ADRA1A: variants seen among roughly 807,000 people sequenced by gnomAD.
ADRA1A encodes adrenoceptor alpha 1A.
In ADRA1A, 31 loss-of-function variants were observed where a neutral mutation model predicts 29.6. The observed-to-expected ratio is 1.05, with a 90% CI of 0.79 to 1.41. ADRA1A has a LOEUF of 1.41. Among genes scored for constraint, ADRA1A ranks in the 40% most tolerant of loss-of-function variants. The pLI, the probability that ADRA1A is intolerant of heterozygous loss-of-function variation, is 0.00. For synonymous variants in ADRA1A, 311 were observed against 254.3 expected (o/e 1.22, Z -2.12); for missense variants, 619 against 601.1 (o/e 1.03, Z -0.31).
intron 2 of ADRA1A, among the ~76,000 whole-genome samples, chr8:26,824,286 T>C (rs1810387048): frequency 6.6e-6 from 1 of 151,548 alleles, no homozygotes; most frequent in African/African-American, 2.4e-5. Flanking sequence ...GTAACAGGGG[T>C]CTATCTAGTA....
chr8:26,748,507 G>C, exon 3 of ADRA1A: 1 of 279,712 alleles, frequency 3.6e-6, no homozygotes, highest in Non-Finnish European at 7.1e-6. Context: ...TTGGGAGGCT[G>C]AGGCAGGCAG....
intron 2 of ADRA1A, among the ~76,000 whole-genome samples, chr8:26,829,002 A>G (rs1810788068): frequency 6.6e-6 from 1 of 152,186 alleles, no homozygotes; most frequent in Admixed American, 6.5e-5. Context: ...TTTATGCATG[A>G]GATGGTGCCC....
Position 26,864,057 on chromosome 8 carries a change from A to T in ADRA1A, c.883+30T>A, listed in dbSNP as rs753914242. ...AGCCGAGGAGGGTGAAGACCCCCAGATGCTAAAGTGAGGGGTGTTCAAGAC... is the reference window on the plus strand; with the variant it reads ...AGCCGAGGAGGGTGAAGACCCCCAGTTGCTAAAGTGAGGGGTGTTCAAGAC... On this transcript the variant is annotated intron_variant, in intron 2 of 2. Coordinates refer to ENST00000380573, the MANE Select transcript of ADRA1A (RefSeq NM_000680.4). The surrounding 1 kb of genome is among the most constrained non-coding windows in gnomAD (Gnocchi z 8.1). The T allele has an allele frequency of 6.3e-7, 1 of 1,586,692 alleles. No individual in the cohort carries two copies.
chr8:26,759,382 TA>T (rs1280101493), intron 2 of ADRA1A, among the ~76,000 whole-genome samples: 1 of 152,234 alleles, frequency 6.6e-6, no homozygotes, highest in Admixed American at 6.5e-5. Flanking sequence ...TCTTTTTTTT[TA>T]AAGTATGTAG....
chr8:26,758,566 G>A (rs1290147979), intron 2 of ADRA1A, among the ~76,000 whole-genome samples: 1 of 152,172 alleles, frequency 6.6e-6, no homozygotes, highest in African/African-American at 2.4e-5. Flanking sequence ...TGAGGAAAAT[G>A]GCTCAAGAGA....
Position 26,865,786 on chromosome 8 carries a change from C to T in ADRA1A, c.-686-131G>A, listed in dbSNP as rs1585873157. 7.8e-6 allele frequency: 7 copies of T among 900,212 alleles called. No homozygotes were observed. Among genetic ancestry groups the T allele is most frequent in the African/African-American group, 7.2e-5 (4 of 55,560 alleles). The allele number at this position is 900,212 out of a possible 1,614,324, so 55.8% of individuals were successfully genotyped here. On this transcript the variant is annotated intron_variant, in intron 1 of 2. Transcript: ENST00000380573. The surrounding 1 kb of genome is among the most constrained non-coding windows in gnomAD (Gnocchi z 7.6). ...TCTGCGGTCCAGAAGCTGCTTCGCC[C>T]GGCAGCGGTGGAGGCGACTTCGGAG...
At chr8:26,780,258 GT>G (rs59418160) in intron 2 of ADRA1A, among the ~76,000 whole-genome samples, 14,764 of 152,102 alleles carry the variant, frequency 0.097, 701 homozygotes, top group Middle Eastern at 0.14. Flanking sequence ...ACATGCAAAG[GT>G]GTTTACCTTC....
chr8:26,753,815 G>A (rs1417723282), downstream of ADRA1A, among the ~76,000 whole-genome samples: 1 of 152,156 alleles, frequency 6.6e-6, no homozygotes, highest in Non-Finnish European at 1.5e-5. Flanking sequence ...AGGGTGTTAT[G>A]TGTTTAAAGA....
intron 2 of ADRA1A, among the ~76,000 whole-genome samples, chr8:26,858,114 T>A (rs1477576244): frequency 6.6e-6 from 1 of 152,234 alleles, no homozygotes; most frequent in Non-Finnish European, 1.5e-5. Context: ...GCTCTATCAA[T>A]GTGCTGCCTC....
At chr8:26,752,227 T>C (rs2130150557), downstream of ADRA1A, among the ~76,000 whole-genome samples, 1 of 152,350 alleles carries the variant, frequency 6.6e-6, no homozygotes, top group Non-Finnish European at 1.5e-5. Flanking sequence ...TCTTATTGTG[T>C]GAGCCACTTT....
chr8:26,849,890 A>G (rs1416294932), intron 2 of ADRA1A, among the ~76,000 whole-genome samples: 3 of 152,108 alleles, frequency 2.0e-5, no homozygotes, highest in African/African-American at 7.2e-5. Context: ...TGTGCCCACC[A>G]TATGGAGTGG....
chr8:26,832,822 A>G (rs751824804), intron 2 of ADRA1A, among the ~76,000 whole-genome samples: 1 of 152,136 alleles, frequency 6.6e-6, no homozygotes, highest in Non-Finnish European at 1.5e-5. Context: ...CCATGCAGTC[A>G]GGACAAAAGC....
chr8:26,830,169 C>G (rs7017877), intron 2 of ADRA1A, among the ~76,000 whole-genome samples: 265 of 152,350 alleles, frequency 1.7e-3, no homozygotes, highest in African/African-American at 6.0e-3. Flanking sequence ...CCCTGCTTCT[C>G]AGATTGCTTC....
chr8:26,864,063 A>C lies in ADRA1A; in HGVS notation c.883+24T>G. 1 of 1,592,752 alleles carries C rather than the reference A, an allele frequency of 6.3e-7. No individual in the cohort carries two copies. Among genetic ancestry groups the C allele is most frequent in the Non-Finnish European group, 8.5e-7 (1 of 1,169,938 alleles). On this transcript the variant is annotated intron_variant, in intron 2 of 2. Transcript: ENST00000380573. This position sits in a 1 kb window ranked among gnomAD's most constrained non-coding sequence, Gnocchi z 8.1. ...GGAGGGTGAAGACCCCCAGATGCTAAAGTGAGGGGTGTTCAAGACTTACCA... is the reference window on the plus strand; with the variant it reads ...GGAGGGTGAAGACCCCCAGATGCTACAGTGAGGGGTGTTCAAGACTTACCA...
chr8:26,787,418 TA>T lies in ADRA1A; in HGVS notation c.884-16753del, dbSNP rs1807479479. On this transcript the variant is annotated intron_variant, in intron 2 of 2. Coordinates refer to ENST00000380573, the MANE Select transcript of ADRA1A (RefSeq NM_000680.4). This position sits in a 1 kb window ranked among gnomAD's most constrained non-coding sequence, Gnocchi z 4.2. Reference sequence around the variant, plus strand: ...ATGGAAAAAAAACCCACACATACTATATTCTGTCTGAAAAGACTTTGACAAA... The same window carrying T: ...ATGGAAAAAAAACCCACACATACTATTTCTGTCTGAAAAGACTTTGACAAA... 6.6e-6 allele frequency among the ~76,000 whole-genome samples: 1 copy of T among 152,222 alleles called. No homozygotes were observed. Among genetic ancestry groups the T allele is most frequent in the Non-Finnish European group, 1.5e-5 (1 of 68,048 alleles).
Position 26,796,893 on chromosome 8 carries a change from C to T in ADRA1A, c.884-26227G>A, listed in dbSNP as rs1396602751. Reference sequence around the variant, plus strand: ...TCAGGACATATTGGAGAGGTTTATTCCCTCACTGCGCAAATTTTTATAGAG... The same window carrying T: ...TCAGGACATATTGGAGAGGTTTATTTCCTCACTGCGCAAATTTTTATAGAG... On this transcript the variant is annotated intron_variant, in intron 2 of 2. Transcript: ENST00000380573. The surrounding 1 kb of genome is among the most constrained non-coding windows in gnomAD (Gnocchi z 5.0). Among the ~76,000 whole-genome samples, 5 of 152,000 alleles carry T rather than the reference C, an allele frequency of 3.3e-5. No individual in the cohort carries two copies. The highest frequency in any genetic ancestry group is 7.4e-5 in the Non-Finnish European group (5 of 67,990).
At position 26,831,030 on chromosome 8, in the gene ADRA1A, G is replaced by A. The variant is rs747529272; in HGVS notation, c.883+33057C>T. 6.6e-6 allele frequency among the ~76,000 whole-genome samples: 1 copy of A among 152,094 alleles called. No individual in the cohort carries two copies. The highest frequency in any genetic ancestry group is 1.5e-5 in the Non-Finnish European group (1 of 68,020). ...TGCACTGTTACTTCCTGGACTTTGG[G>A]GGACTGAGGTCTTTTATAGTTAAAG... On this transcript the variant is annotated intron_variant, in intron 2 of 2. Transcript: ENST00000380573. The surrounding 1 kb of genome is among the most constrained non-coding windows in gnomAD (Gnocchi z 5.2).
Position 26,866,107 on chromosome 8 carries a change from C to A in ADRA1A, c.-686-452G>T, listed in dbSNP as rs1466788109. 6.6e-6 allele frequency among the ~76,000 whole-genome samples: 1 copy of A among 152,114 alleles called. No homozygotes were observed. Among genetic ancestry groups the A allele is most frequent in the Non-Finnish European group, 1.5e-5 (1 of 68,016 alleles). The stretch of plus-strand genomic sequence containing the variant: ...CCTCGCAGTCACCTGGAGGGGGCGG[C>A]CTGGGAGAGGGAACAGCTGCGACCC... On this transcript the variant is annotated intron_variant, in intron 1 of 2. Transcript: ENST00000380573. The surrounding 1 kb of genome is among the most constrained non-coding windows in gnomAD (Gnocchi z 5.7).
chr8:26,772,630 C>CT (rs1295416180), intron 2 of ADRA1A, among the ~76,000 whole-genome samples: 1 of 152,140 alleles, frequency 6.6e-6, no homozygotes, highest in Non-Finnish European at 1.5e-5. Flanking sequence ...TTATGTCTTT[C>CT]TTTTCCTCTC....
Sources: gnomAD v4.1 joint callset for allele counts (sites outside exome capture counted in the v4.1 genomes callset) on GRCh38, gnomAD v4.1.1 for gene constraint, Gnocchi (gnomAD v3.1) non-coding constraint, MANE v1.5 for transcripts, NCBI Gene and HGNC (gene_info 2026-07-23, HGNC 2026-07-21) for gene names.